The following SUPT7L variants were observed in gnomAD, a reference collection of about 807,000 sequenced individuals.
SUPT7L encodes SPT7 like, STAGA complex subunit gamma.
SUPT7L carries 15 observed loss-of-function variants against 35.7 expected under a neutral mutation model. The observed-to-expected ratio is 0.42, with a 90% confidence interval of 0.28 to 0.65. The LOEUF is 0.65. SUPT7L is among the 30% of genes least tolerant of loss of function. SUPT7L has a pLI of 0.23. For synonymous variants in SUPT7L, 168 were observed against 186.2 expected, an observed-to-expected ratio of 0.90 and a Z score of 0.79; for missense variants, 434 against 522.2, an observed-to-expected ratio of 0.83 and a Z score of 1.65.
rs1351844798 is a variant in SUPT7L, at chr2:27,657,952, G to A, written c.420-283C>T. Among the ~76,000 whole-genome samples, 1 of 152,154 alleles carries A rather than the reference G, an allele frequency of 6.6e-6. No homozygotes were observed. The highest frequency in any genetic ancestry group is 1.5e-5 in the Non-Finnish European group (1 of 68,030). On this transcript the variant is annotated intron_variant, in intron 3 of 5. Transcript: ENST00000337768. The surrounding 1 kb of genome is among the most constrained non-coding windows in gnomAD (Gnocchi z 5.2). Reference sequence around the variant, plus strand: ...CTAGTGAAAAGAAAGTTTCCTTCTAGCAACTGTTCAATTTTGATCACTTTT... The same window carrying A: ...CTAGTGAAAAGAAAGTTTCCTTCTAACAACTGTTCAATTTTGATCACTTTT...
rs373843871 is a variant in SUPT7L at position 27,653,653 on chromosome 2, C to T, written c.1077G>A (p.Val359=). The change falls in exon 6 of 6, where the codon GTG becomes GTA. Residue 359 remains valine, a synonymous_variant. Transcript: ENST00000337768. ...SEEGNVSGHG[V]LGSDVFEEPM... Reference sequence around the variant, plus strand: ...GCTCCTCGAAGACATCACTGCCCAGCACACCATGCCCAGAGACATTGCCTT... The same window carrying T: ...GCTCCTCGAAGACATCACTGCCCAGTACACCATGCCCAGAGACATTGCCTT... The T allele has an allele frequency of 4.4e-5, 71 of 1,614,074 alleles. No individual in the cohort carries two copies. Among genetic ancestry groups the T allele is most frequent in the Non-Finnish European group, 5.8e-5 (69 of 1,180,048 alleles).
Position 27,655,535 on chromosome 2 carries a change from T to A in SUPT7L, c.812A>T (p.Lys271Ile). Reference protein sequence around the residue: ...VNPEKATEDAKPVKIKEEPVS... With the variant: ...VNPEKATEDAIPVKIKEEPVS... ...AGGTTCCTCCTTGATCTTCACAGGT[T>A]TAGCGTCCTCTGTGGCCTTCTCAGG... is the stretch of plus-strand genomic sequence containing the variant. Residue 271 changes from lysine to isoleucine, a missense_variant, in exon 5 of 6, where the codon AAA becomes ATA. By Grantham distance (102) the Lys-to-Ile change is moderately radical. Around this residue, in one of 3 missense-constraint regions of SUPT7L, gnomAD observed 159 missense variants for 217.1 expected, o/e 0.73. Coordinates refer to ENST00000337768, the MANE Select transcript of SUPT7L (RefSeq NM_014860.3). 1 of 1,614,108 alleles carries A rather than the reference T, an allele frequency of 6.2e-7. No homozygotes were observed. Among genetic ancestry groups the A allele is most frequent in the Non-Finnish European group, 8.5e-7 (1 of 1,179,964 alleles).
rs1363930086 is a variant in SUPT7L at position 27,657,192 on chromosome 2, AG to A, written c.744+152del. 6.6e-6 allele frequency among the ~76,000 whole-genome samples: 1 copy of A among 152,234 alleles called. No individual in the cohort carries two copies. The highest frequency in any genetic ancestry group is 2.4e-5 in the African/African-American group (1 of 41,458). On this transcript the variant is annotated intron_variant, in intron 4 of 5. Transcript: ENST00000337768. This position sits in a 1 kb window ranked among gnomAD's most constrained non-coding sequence, Gnocchi z 5.2. ...TAAAGGAGACCCATGGTATTTGGCC[AG>A]GAACATCGCTAGGGCCATCATAAAA... is the stretch of plus-strand genomic sequence containing the variant.
At position 27,652,142 on chromosome 2, in the gene SUPT7L, C is replaced by T. The variant is rs562387750; in HGVS notation, c.*1343G>A. On this transcript the variant is annotated 3_prime_UTR_variant, in exon 6 of 6. Transcript: ENST00000337768. ...CAGCCTGGGTGACAGAGCAAGACTC[C>T]ATCTCAAAAATAAATAAATAAATAA... 199 of 148,844 alleles carry T rather than the reference C, an allele frequency of 1.3e-3. No homozygotes were observed. Among genetic ancestry groups the T allele is most frequent in the Middle Eastern group, 3.4e-3 (1 of 292 alleles). The allele number at this position is 148,844 out of a possible 1,614,324, so 9.2% of individuals were successfully genotyped here. A position where few individuals can be genotyped will look rare whatever the true frequency, so the allele number is the denominator to read the frequency against.
downstream of SUPT7L, chr2:27,650,054 G>A (rs778974802): frequency 3.6e-5 from 32 of 890,496 alleles, no homozygotes; most frequent in East Asian, 7.3e-5. Flanking sequence ...GATGGGTGAC[G>A]GGCTCTAATC....
rs1393256673 is a variant in SUPT7L at position 27,657,025 on chromosome 2, A to C, written c.744+320T>G. Among the ~76,000 whole-genome samples the C allele has an allele frequency of 6.6e-6, 1 of 152,234 alleles. No individual in the cohort carries two copies. Among genetic ancestry groups the C allele is most frequent in the Non-Finnish European group, 1.5e-5 (1 of 68,048 alleles). On this transcript the variant is annotated intron_variant, in intron 4 of 5. Coordinates refer to ENST00000337768, the MANE Select transcript of SUPT7L (RefSeq NM_014860.3). This position sits in a 1 kb window ranked among gnomAD's most constrained non-coding sequence, Gnocchi z 5.2. ...AACTCAGGTAACTTAGTAACTGCTG[A>C]ATCCCACAATGCTCGACTCTCAACA...
Position 27,653,198 on chromosome 2 carries a change from G to T in SUPT7L, c.*287C>A. 4.7e-6 allele frequency: 2 copies of T among 422,658 alleles called. No homozygotes were observed. 26.2% of individuals were successfully genotyped at this position (422,658 alleles called of 1,614,324 possible). A position where few individuals can be genotyped will look rare whatever the true frequency, so the allele number is the denominator to read the frequency against. On this transcript the variant is annotated 3_prime_UTR_variant, in exon 6 of 6. Coordinates refer to ENST00000337768, the MANE Select transcript of SUPT7L (RefSeq NM_014860.3). ...TACAAGATAAATGGCTGTATAACAT[G>T]TCTAGTCATAGTTAAGACAACAATT...
chr2:27,663,600 G>T lies in SUPT7L; in HGVS notation c.-361C>A. On this transcript the variant is annotated 5_prime_UTR_variant, in exon 1 of 6. Transcript: ENST00000337768. ...CGCGTCAGACCCCGAAAGCTGGTTT[G>T]TTGATTAGTGATCTAAGACCGCCGG... 1.5e-6 allele frequency: 1 copy of T among 685,508 alleles called. No individual in the cohort carries two copies. Among genetic ancestry groups the T allele is most frequent in the Non-Finnish European group, 2.4e-6 (1 of 408,800 alleles). The allele number at this position is 685,508 out of a possible 1,614,324, so 42.5% of individuals were successfully genotyped here.
At chr2:27,663,141 AT>A (rs1393540708) in intron 1 of SUPT7L, among the ~76,000 whole-genome samples, 187 bp downstream of exon 1, 1 of 151,960 alleles carries the variant, frequency 6.6e-6, no homozygotes, top group South Asian at 2.1e-4. Flanking sequence ...TAATAATCTT[AT>A]CCCCATTTTT....
Position 27,652,865 on chromosome 2 carries a change from G to A in SUPT7L, c.*620C>T, listed in dbSNP as rs1418253194. On this transcript the variant is annotated 3_prime_UTR_variant, in exon 6 of 6. Coordinates refer to ENST00000337768, the MANE Select transcript of SUPT7L (RefSeq NM_014860.3). ...AGTCTAGAGAAGAAAATAAATGGAT[G>A]AGATAGAGAGCTGTCTAAGCAAAAA... The A allele has an allele frequency of 1.3e-5, 2 of 153,034 alleles. No individual in the cohort carries two copies. The highest frequency in any genetic ancestry group is 6.5e-5 in the Admixed American group (1 of 15,344). The allele number at this position is 153,034 out of a possible 1,614,324, so 9.5% of individuals were successfully genotyped here.
chr2:27,646,820 C>G (rs775360179), downstream of SUPT7L, among the ~76,000 whole-genome samples: 31 of 152,074 alleles, frequency 2.0e-4, no homozygotes, highest in Admixed American at 1.2e-3. Flanking sequence ...TAGTAGAGAA[C>G]AGCAAAGCTA....
chr2:27,662,077 CT>C, intron 2 of SUPT7L, 101 bp downstream of exon 2: 1 of 1,543,074 alleles, frequency 6.5e-7, no homozygotes, highest in Non-Finnish European at 8.9e-7. Context: ...TAGACTTACT[CT>C]TTTTAAAACT....
Position 27,663,384 on chromosome 2 carries a change from G to A in SUPT7L, c.-145C>T. 1 of 223,990 alleles carries A rather than the reference G, an allele frequency of 4.5e-6. No individual in the cohort carries two copies. Among genetic ancestry groups the A allele is most frequent in the East Asian group, 1.1e-4 (1 of 9,392 alleles). 13.9% of individuals were successfully genotyped at this position (223,990 alleles called of 1,614,324 possible). On this transcript the variant is annotated 5_prime_UTR_variant, in exon 1 of 6. Coordinates refer to ENST00000337768, the MANE Select transcript of SUPT7L (RefSeq NM_014860.3). The stretch of plus-strand genomic sequence containing the variant: ...CCAAGGAATGCCCAAGTCCCTCCAG[G>A]GGTTTCCTCGGTCACGGTCCGCCGG...
chr2:27,647,979 C>A, downstream of SUPT7L: 2 of 1,136,376 alleles, frequency 1.8e-6, no homozygotes, highest in South Asian at 1.2e-5. Context: ...GGCAACAGAG[C>A]ATCTGCTTAT....
At chr2:27,645,718 TA>T in the SUPT7L span, among the ~76,000 whole-genome samples, 1 of 151,550 alleles carries the variant, frequency 6.6e-6, no homozygotes, top group African/African-American at 2.4e-5. Context: ...TTTTTTTTTT[TA>T]AAACAAATCA....
At chr2:27,649,488 G>A (rs1206337116), downstream of SUPT7L, among the ~76,000 whole-genome samples, 1 of 152,044 alleles carries the variant, frequency 6.6e-6, no homozygotes, top group Non-Finnish European at 1.5e-5. Flanking sequence ...GAAATGTAGA[G>A]CACTTCCCTC....
chr2:27,647,574 AG>A (rs2148089945), downstream of SUPT7L, among the ~76,000 whole-genome samples: 1 of 152,352 alleles, frequency 6.6e-6, no homozygotes, highest in East Asian at 1.9e-4. Context: ...TGATGCTACT[AG>A]TAAGACAAGC....
At chr2:27,647,108 T>C (rs1211478638), downstream of SUPT7L, among the ~76,000 whole-genome samples, 1 of 152,192 alleles carries the variant, frequency 6.6e-6, no homozygotes, top group African/African-American at 2.4e-5. Context: ...GTCATCCTCC[T>C]TTTTCAGGCC....
In SUPT7L at chr2:27,657,566, T is replaced by C. The variant is rs748261616; in HGVS notation, c.523A>G (p.Asn175Asp). The change falls in exon 4 of 6, where the codon AAT becomes GAT. Residue 175 changes from asparagine (N) to aspartate (D), a missense_variant. By Grantham distance (23) the Asn-to-Asp change is conservative (BLOSUM62 1). Coordinates refer to ENST00000337768, the MANE Select transcript of SUPT7L (RefSeq NM_014860.3). This position sits in a 1 kb window ranked among gnomAD's most constrained non-coding sequence, Gnocchi z 5.2. The part of the protein sequence containing the change: ...ILAHAGFDCA[N>D]ESVLETLTDV... ...GTTAGGGTCTCCAGGACACTCTCAT[T>C]AGCACAGTCAAAGCCCGCGTGGGCC... The C allele has an allele frequency of 1.7e-5, 28 of 1,614,110 alleles. No homozygotes were observed. Among genetic ancestry groups the C allele is most frequent in the Non-Finnish European group, 2.3e-5 (27 of 1,180,036 alleles).
Sources: gnomAD v4.1 joint callset for allele counts (sites outside exome capture counted in the v4.1 genomes callset) on GRCh38, gnomAD v4.1.1 for gene constraint, gnomAD v4.1.1 regional missense constraint, Gnocchi (gnomAD v3.1) non-coding constraint, MANE v1.5 for transcripts, NCBI Gene and HGNC (gene_info 2026-07-23, HGNC 2026-07-21) for gene names.